ZPBP: variants seen among roughly 807,000 people sequenced by gnomAD.
ZPBP encodes zona pellucida-binding protein 1.
Under a neutral mutation model 44.8 loss-of-function variants are expected in ZPBP, and 26 were observed. The observed-to-expected ratio is 0.58, with a 90% CI of 0.43 to 0.81. The LOEUF (loss-of-function observed/expected upper bound fraction) is 0.81, where lower values mean the gene tolerates loss of function less well. Ranked by LOEUF, ZPBP falls within the 30% of genes least tolerant of loss-of-function variation. The probability of loss-of-function intolerance (pLI) is 0.00; values close to 1 mark genes in which losing one functional copy is unlikely to be tolerated. For synonymous variants in ZPBP, 174 were observed against 153.2 expected, an observed-to-expected ratio of 1.14 and a Z score of -1.00; for missense variants, 409 against 434.0, an observed-to-expected ratio of 0.94 and a Z score of 0.51.
In ZPBP at chr7:50,051,834, G is replaced by GA. The variant is rs1273022575; in HGVS notation, c.487+6154dup. 3.3e-5 allele frequency among the ~76,000 whole-genome samples: 5 copies of GA among 152,124 alleles called. No homozygotes were observed. The East Asian group carries it at 9.6e-4, about 29-fold the overall frequency. On this transcript the variant is annotated intron_variant, in intron 4 of 7. Transcript: ENST00000046087. ...GTGGTGTGAGGAGGAAGAACATTAG[G>GA]AAAAATAGCTAATACATGCTGAACT...
At chr7:49,853,968 G>A (rs113406017) in intron 2 of ZPBP, among the ~76,000 whole-genome samples, 2 of 150,350 alleles carry the variant, frequency 1.3e-5, no homozygotes, top group African/African-American at 4.9e-5. Context: ...TGCGGTGTTT[G>A]GTTTTCTGTC....
At chr7:50,042,172 T>C (rs1240663409) in intron 4 of ZPBP, among the ~76,000 whole-genome samples, 2 of 152,138 alleles carry the variant, frequency 1.3e-5, no homozygotes, top group African/African-American at 2.4e-5. Context: ...TATGGGACTA[T>C]GTGAAAAGAC....
Position 50,052,877 on chromosome 7 carries a change from T to A in ZPBP, c.487+5112A>T, listed in dbSNP as rs1469532633. 6.6e-5 allele frequency among the ~76,000 whole-genome samples: 10 copies of A among 152,290 alleles called. No homozygotes were observed. In the South Asian group the frequency reaches 2.1e-3, roughly 32 times the overall value. ...CTATAGCACTGTATTTGTATAATAC[T>A]TTTGAAACGACAATACAGAATGAGA... On this transcript the variant is annotated intron_variant, in intron 4 of 7. Transcript: ENST00000046087.
intron 2 of ZPBP, among the ~76,000 whole-genome samples, chr7:49,880,674 G>T (rs1791625014): frequency 6.6e-6 from 1 of 151,908 alleles, no homozygotes; most frequent in Non-Finnish European, 1.5e-5. Flanking sequence ...ACACACCGGG[G>T]CCTGTTGTGG....
At chr7:50,029,037 G>T (rs1799471466) in intron 5 of ZPBP, among the ~76,000 whole-genome samples, 1 of 152,080 alleles carries the variant, frequency 6.6e-6, no homozygotes, top group African/African-American at 2.4e-5. Context: ...AAACAATGTT[G>T]AAAAGGAAGA....
intron 6 of ZPBP, among the ~76,000 whole-genome samples, chr7:49,986,426 G>A (rs534318392): frequency 6.6e-6 from 1 of 152,290 alleles, no homozygotes; most frequent in East Asian, 1.9e-4. Flanking sequence ...TGGGGCCCAT[G>A]CCCAAAGGGT....
chr7:50,079,980 ATAAGACT>A (rs1230194616), intron 3 of ZPBP, among the ~76,000 whole-genome samples: 1 of 151,696 alleles, frequency 6.6e-6, no homozygotes, highest in East Asian at 1.9e-4. Context: ...GACACCAAAT[ATAAGACT>A]TGCTCCCTAT....
chr7:49,996,230 C>T (rs553703836), intron 6 of ZPBP, among the ~76,000 whole-genome samples: 41 of 152,266 alleles, frequency 2.7e-4, no homozygotes, highest in African/African-American at 7.9e-4. Context: ...CCTCACTCCA[C>T]GGGTCACAAA....
chr7:50,089,771 A>G, intron 1 of ZPBP, 62 bp from the exon 2 acceptor site: 6 of 1,274,312 alleles, frequency 4.7e-6, no homozygotes, highest in Non-Finnish European at 6.7e-6. Flanking sequence ...CAAATATACT[A>G]TTACAGTATC....
At chr7:49,946,719 C>T (rs990608341) in intron 7 of ZPBP, among the ~76,000 whole-genome samples, 1 of 152,054 alleles carries the variant, frequency 6.6e-6, no homozygotes, top group African/African-American at 2.4e-5. Context: ...CCTTTCTTGT[C>T]CTTGAATACT....
At chr7:50,045,860 C>G (rs932670779) in intron 4 of ZPBP, among the ~76,000 whole-genome samples, 2 of 152,102 alleles carry the variant, frequency 1.3e-5, no homozygotes, top group African/African-American at 4.8e-5. Context: ...GCAAAAAGAA[C>G]AAAGCTGGAG....
At chr7:49,876,219 T>G (rs917300820) in intron 2 of ZPBP, among the ~76,000 whole-genome samples, 4 of 152,190 alleles carry the variant, frequency 2.6e-5, no homozygotes, top group African/African-American at 9.6e-5. Context: ...GTCCAGATAG[T>G]AAGATACCGA....
chr7:50,081,317 AT>A (rs1307126480), intron 3 of ZPBP, among the ~76,000 whole-genome samples: 1 of 151,850 alleles, frequency 6.6e-6, no homozygotes, highest in African/African-American at 2.4e-5. Context: ...ATTAATCTAT[AT>A]TTTTTGCAAG....
At chr7:50,038,899 C>T (rs1194877237) in intron 4 of ZPBP, among the ~76,000 whole-genome samples, 2 of 152,160 alleles carry the variant, frequency 1.3e-5, no homozygotes, top group African/African-American at 2.4e-5. Context: ...GTGCAGTAAG[C>T]TATACCATCT....
rs143806948 is a variant in ZPBP, at chr7:50,017,190, T to C, written c.783+1050A>G. Among the ~76,000 whole-genome samples, 266 of 152,264 alleles carry C rather than the reference T, an allele frequency of 1.7e-3. 3 individuals carry two copies. Among genetic ancestry groups the C allele is most frequent in the African/African-American group, 6.0e-3 (249 of 41,566 alleles). ...AGCTCTGAGCTTGTCTTCCTGCAAC[T>C]AGAAGGTCCCATCTGGGGTTGACAG... is the stretch of plus-strand genomic sequence containing the variant. On this transcript the variant is annotated intron_variant, in intron 6 of 7. Transcript: ENST00000046087.
chr7:50,018,872 C>A (rs1445548020), intron 5 of ZPBP, among the ~76,000 whole-genome samples: 1 of 151,804 alleles, frequency 6.6e-6, no homozygotes, highest in Admixed American at 6.6e-5. Flanking sequence ...TACTGTGTGC[C>A]AGGAATTACT....
chr7:49,961,394 A>G (rs540497264), intron 7 of ZPBP, among the ~76,000 whole-genome samples: 1 of 152,318 alleles, frequency 6.6e-6, no homozygotes, highest in Admixed American at 6.5e-5. Flanking sequence ...TTTGTATAAA[A>G]TTACAAAAAC....
chr7:49,907,418 A>T (rs1174428031), intron 1 of ZPBP, among the ~76,000 whole-genome samples: 2 of 152,210 alleles, frequency 1.3e-5, no homozygotes, highest in East Asian at 3.9e-4. Flanking sequence ...ATTACTAGGA[A>T]TGACATTTGC....
intron 7 of ZPBP, among the ~76,000 whole-genome samples, chr7:49,959,730 T>C (rs1395837240): frequency 6.6e-6 from 1 of 152,184 alleles, no homozygotes; most frequent in Non-Finnish European, 1.5e-5. Context: ...GAACTCTTTG[T>C]AGAAATTGAT....
Sources: allele counts gnomAD v4.1 joint callset (sites outside exome capture counted in the v4.1 genomes callset), GRCh38; gene constraint gnomAD v4.1.1; transcripts MANE v1.5; gene names NCBI Gene and HGNC (gene_info 2026-07-23, HGNC 2026-07-21).